Variants in MAP7 observed in about 807,000 individuals in gnomAD.
The protein encoded by MAP7 is microtubule associated protein 7.
MAP7 carries 52 observed loss-of-function variants against 94.8 expected under a neutral mutation model. The ratio of observed to expected loss-of-function variants is 0.55; its 90% CI spans 0.44 to 0.69. The LOEUF is 0.69. Among genes scored for constraint, MAP7 ranks in the 30% least tolerant of loss-of-function variants. MAP7 has a pLI of 0.00. For missense variants in MAP7, 940 were observed against 964.6 expected (o/e 0.97, Z 0.34); for synonymous variants, 350 against 357.0 (o/e 0.98, Z 0.22).
At chr6:136,503,898 A>G (rs1820575660) in intron 1 of MAP7, among the ~76,000 whole-genome samples, 1 of 152,230 alleles carries the variant, frequency 6.6e-6, no homozygotes, top group Non-Finnish European at 1.5e-5. Flanking sequence ...ATGCTAAAAG[A>G]GAGCACTATA....
At chr6:136,362,775 C>T (rs1048663677) in intron 10 of MAP7, 73 bp from the exon 11 acceptor site, 1 of 1,503,200 alleles carries the variant, frequency 6.7e-7, no homozygotes, top group Non-Finnish European at 8.8e-7. Flanking sequence ...CTAGCATTCC[C>T]CACATCCAAG....
chr6:136,345,850 G>C lies in MAP7; in HGVS notation c.2239+6C>G, dbSNP rs368661512. The C allele has an allele frequency of 6.2e-7, 1 of 1,612,522 alleles. No homozygotes were observed. The highest frequency in any genetic ancestry group is 8.5e-7 in the Non-Finnish European group (1 of 1,178,638). ...GACTACAGAAGGGAGTTGGAGGCAAGCTTACCTGCAGTCTGCTGTGTCTGA... is the reference window on the plus strand; with the variant it reads ...GACTACAGAAGGGAGTTGGAGGCAACCTTACCTGCAGTCTGCTGTGTCTGA... On this transcript the variant is annotated splice_donor_region_variant and intron_variant, in intron 17 of 17. Coordinates refer to ENST00000354570, the MANE Select transcript of MAP7 (RefSeq NM_003980.6).
chr6:136,485,752 C>T (rs962801042), intron 1 of MAP7, among the ~76,000 whole-genome samples: 3 of 151,506 alleles, frequency 2.0e-5, no homozygotes, highest in African/African-American at 4.9e-5. Context: ...TTAGTAGAGA[C>T]GGGGTTTCAC....
At chr6:136,440,878 A>G (rs1797656259) in intron 1 of MAP7, among the ~76,000 whole-genome samples, 1 of 151,672 alleles carries the variant, frequency 6.6e-6, no homozygotes, top group Admixed American at 6.6e-5. Context: ...TCTCTTGGTA[A>G]TCTCTATCCT....
intron 2 of MAP7, 66 bp from the exon 3 acceptor site, chr6:136,411,763 A>C: frequency 3.2e-6 from 4 of 1,259,734 alleles, no homozygotes; most frequent in Non-Finnish European, 4.4e-6. Flanking sequence ...AAAAGAAAAA[A>C]CACACATTGA....
intron 1 of MAP7, among the ~76,000 whole-genome samples, chr6:136,529,509 A>C (rs1192792497): frequency 6.6e-6 from 1 of 152,186 alleles, no homozygotes; most frequent in Non-Finnish European, 1.5e-5. Context: ...CAGAGGCTTA[A>C]ATCAGTCCCC....
intron 8 of MAP7, among the ~76,000 whole-genome samples, chr6:136,367,986 G>A (rs186329263): frequency 6.6e-6 from 1 of 152,248 alleles, no homozygotes; most frequent in Admixed American, 6.5e-5. Flanking sequence ...ATGTGGCGTG[G>A]GGGTGGTTGG....
At chr6:136,387,463 AAACACTGTTCC>A (rs1489749773) in intron 5 of MAP7, among the ~76,000 whole-genome samples, 3 of 152,232 alleles carry the variant, frequency 2.0e-5, no homozygotes, top group Admixed American at 6.5e-5. Context: ...CACACTTAAG[AAACACTGTTCC>A]AATCCCAGAT....
chr6:136,367,572 A>G (rs557237948), intron 8 of MAP7, among the ~76,000 whole-genome samples: 1 of 152,216 alleles, frequency 6.6e-6, no homozygotes, highest in African/African-American at 2.4e-5. Flanking sequence ...TTATCAGAGG[A>G]GCAAAAACAT....
chr6:136,343,489 T>C lies in MAP7; in HGVS notation c.*739A>G, dbSNP rs1445015214. The C allele has an allele frequency of 1.3e-5, 2 of 152,670 alleles. No homozygotes were observed. Among genetic ancestry groups the C allele is most frequent in the African/African-American group, 2.4e-5 (1 of 41,468 alleles). 9.5% of individuals were successfully genotyped at this position (152,670 alleles called of 1,614,324 possible). ...AGGAATGCAGCTAACAAATTAAATT[T>C]GTAATGTTGTCACATTATTCTAATT... On this transcript the variant is annotated 3_prime_UTR_variant, in exon 18 of 18. Transcript: ENST00000354570.
chr6:136,470,569 A>C (rs1186623218), intron 1 of MAP7, among the ~76,000 whole-genome samples: 1 of 152,078 alleles, frequency 6.6e-6, no homozygotes, highest in Non-Finnish European at 1.5e-5. Flanking sequence ...AGGTCTCCAG[A>C]ATTTAGTCAT....
At chr6:136,353,666 A>G (rs1789883205) in intron 16 of MAP7, among the ~76,000 whole-genome samples, 1 of 151,910 alleles carries the variant, frequency 6.6e-6, no homozygotes, top group Non-Finnish European at 1.5e-5. Flanking sequence ...TGATCTTCCC[A>G]CCTCAGCCCC....
chr6:136,487,641 C>T (rs1583047390), intron 1 of MAP7, among the ~76,000 whole-genome samples: 2 of 151,678 alleles, frequency 1.3e-5, no homozygotes, highest in East Asian at 1.9e-4. Flanking sequence ...CCCAGGAGTT[C>T]GAGGCTGCAA....
intron 1 of MAP7, among the ~76,000 whole-genome samples, chr6:136,512,716 T>C (rs1399186834): frequency 6.6e-6 from 1 of 152,180 alleles, no homozygotes; most frequent in Non-Finnish European, 1.5e-5. Context: ...CGAAGAATCA[T>C]TGGAGCCTTT....
At chr6:136,535,913 C>G (rs1359805394) in intron 1 of MAP7, among the ~76,000 whole-genome samples, 1 of 151,728 alleles carries the variant, frequency 6.6e-6, no homozygotes, top group Non-Finnish European at 1.5e-5. Flanking sequence ...CACCCCACGA[C>G]AGGCCCCAGT....
intron 1 of MAP7, among the ~76,000 whole-genome samples, chr6:136,510,549 G>A (rs1822962481): frequency 6.6e-6 from 1 of 152,050 alleles, no homozygotes; most frequent in South Asian, 2.1e-4. Context: ...GAAGGTGTGA[G>A]GCTTTTCTTC....
chr6:136,431,620 T>A (rs1794943705), intron 1 of MAP7, among the ~76,000 whole-genome samples: 1 of 152,086 alleles, frequency 6.6e-6, no homozygotes, highest in African/African-American at 2.4e-5. Flanking sequence ...TGGATTCAAG[T>A]GATTCTCCCG....
chr6:136,469,753 C>T (rs572963038), intron 1 of MAP7, among the ~76,000 whole-genome samples: 2 of 152,222 alleles, frequency 1.3e-5, no homozygotes, highest in East Asian at 3.9e-4. Context: ...ATGGATAAAG[C>T]CCAAACTGAT....
At chr6:136,404,710 C>T (rs1440424439) in intron 3 of MAP7, among the ~76,000 whole-genome samples, 5 of 152,222 alleles carry the variant, frequency 3.3e-5, no homozygotes, top group African/African-American at 1.2e-4. Flanking sequence ...TACTGAGTGC[C>T]TAGTATGTTC....
Sources: gnomAD v4.1 joint callset for allele counts (sites outside exome capture counted in the v4.1 genomes callset) on GRCh38, gnomAD v4.1.1 for gene constraint, MANE v1.5 for transcripts, NCBI Gene and HGNC (gene_info 2026-07-23, HGNC 2026-07-21) for gene names.